Variants in RPGR observed in about 807,000 individuals in gnomAD.
RPGR encodes the protein retinitis pigmentosa GTPase regulator.
RPGR carries 10 observed loss-of-function variants against 56.3 expected under a neutral mutation model. The observed-to-expected ratio is 0.18, with a 90% confidence interval of 0.11 to 0.30. The LOEUF (loss-of-function observed/expected upper bound fraction) is 0.30, where lower values mean the gene tolerates loss of function less well. Ranked by LOEUF, RPGR falls within the 10% of genes least tolerant of loss-of-function variation. The probability of loss-of-function intolerance (pLI) is 1.00; values close to 1 mark genes in which losing one functional copy is unlikely to be tolerated. For synonymous variants in RPGR, 197 were observed against 212.9 expected (o/e 0.93, Z 0.65); for missense variants, 538 against 590.9 (o/e 0.91, Z 0.93).
intron 1 of RPGR, among the ~76,000 whole-genome samples, chrX:38,325,189 A>T (rs2068027870): frequency 9.2e-6 from 1 of 108,651 alleles, no homozygotes; most frequent in African/African-American, 3.4e-5. Flanking sequence ...AAAAAAAAAA[A>T]AAAGTCACTG....
At chrX:38,303,058 T>A (rs2067533233) in intron 8 of RPGR, among the ~76,000 whole-genome samples, 1 of 111,575 alleles carries the variant, frequency 9.0e-6, no homozygotes, top group South Asian at 3.7e-4. Context: ...AGTATTTATG[T>A]CCTTCTTTTA....
chrX:38,288,677 C>T (rs967442858), intron 13 of RPGR, among the ~76,000 whole-genome samples: 1 of 111,930 alleles, frequency 8.9e-6, no homozygotes, highest in South Asian at 3.7e-4. Context: ...TGCACTCCAG[C>T]CTGGGCAACA....
chrX:38,317,319 T>C lies in RPGR; in HGVS notation c.616A>G (p.Thr206Ala). 8.3e-7 allele frequency: 1 copy of C among 1,209,848 alleles called. No individual in the cohort carries two copies. The highest frequency in any genetic ancestry group is 1.1e-6 in the Non-Finnish European group (1 of 893,999). The change falls in exon 6 of 19, where the codon ACA becomes GCA. Residue 206 changes from threonine (T) to alanine (A), a missense_variant. Thr to Ala is a moderately conservative substitution (Grantham distance 58). This residue lies in a region of RPGR where 181 missense variants were observed against 265.1 expected (regional missense o/e 0.68). Transcript: ENST00000642395. ...ATGACTTCAAAATGTGTCTTACTTG[T>C]TACAAAAGCTGAATGGTAATATCCA...
At chrX:38,311,799 C>A (rs1041350406) in intron 6 of RPGR, among the ~76,000 whole-genome samples, 3 of 110,685 alleles carry the variant, frequency 2.7e-5, no homozygotes, top group South Asian at 7.7e-4. Flanking sequence ...ACATGACCAG[C>A]CCCCTAAATC....
In RPGR at chrX:38,323,388, G is replaced by T. The variant is rs375646581; in HGVS notation, c.154+11C>A. The T allele has an allele frequency of 4.1e-5, 49 of 1,197,569 alleles. No individual in the cohort carries two copies. Among genetic ancestry groups the T allele is most frequent in the Non-Finnish European group, 4.4e-5 (39 of 884,928 alleles). On this transcript the variant is annotated intron_variant, in intron 2 of 18. Transcript: ENST00000642395. The stretch of plus-strand genomic sequence containing the variant: ...AGTATTACTGTCCTTATTCAGGATT[G>T]TAATACTAACCGGTAACAACAGCAG...
chrX:38,269,510 A>C lies in RPGR; in HGVS notation c.*116T>G. On this transcript the variant is annotated 3_prime_UTR_variant, in exon 19 of 19. Coordinates refer to ENST00000642395, the MANE Select transcript of RPGR (RefSeq NM_000328.3). ...CACACTTATAGAAGCTGAATAAAAC[A>C]TATTAAGTCTTATATCTTTTAAAGA... 1 of 519,398 alleles carries C rather than the reference A, an allele frequency of 1.9e-6. No homozygotes were observed. Among genetic ancestry groups the C allele is most frequent in the Non-Finnish European group, 3.2e-6 (1 of 314,049 alleles). The allele number at this position is 519,398 out of a possible 1,213,427, so 42.8% of individuals were successfully genotyped here.
intron 8 of RPGR, 59 bp downstream of exon 8, chrX:38,304,576 T>C: frequency 5.4e-6 from 5 of 931,980 alleles, no homozygotes; most frequent in Non-Finnish European, 7.6e-6. Flanking sequence ...ACATATAATT[T>C]ATTTTGTAAT....
At chrX:38,274,883 G>A (rs2066905000) in intron 17 of RPGR, among the ~76,000 whole-genome samples, 1 of 112,253 alleles carries the variant, frequency 8.9e-6, no homozygotes, top group Admixed American at 9.4e-5. Flanking sequence ...ATTTGTATGT[G>A]AAGAAGCTGT....
intron 4 of RPGR, among the ~76,000 whole-genome samples, chrX:38,320,218 G>A (rs72619452): frequency 0.15 from 15,612 of 103,759 alleles, 1,266 homozygotes; most frequent in East Asian, 0.58. Context: ...TGGAGAGGTG[G>A]AGAGGAGCTG....
intron 15 of RPGR, among the ~76,000 whole-genome samples, chrX:38,283,055 C>CT (rs1374227038): frequency 9.0e-6 from 1 of 110,883 alleles, no homozygotes; most frequent in Non-Finnish European, 1.9e-5. Context: ...CTTAAGCTTC[C>CT]TTTTTTTTCT....
Position 38,327,419 on chromosome X carries a change from G to T in RPGR, c.-52C>A, listed in dbSNP as rs147711382. 16,242 of 1,122,753 alleles carry T rather than the reference G, an allele frequency of 0.014. 245 individuals are homozygous for T. Among genetic ancestry groups the T allele is most frequent in the African/African-American group, 0.098 (5,365 of 54,676 alleles). The allele number at this position is 1,122,753 out of a possible 1,213,427, so 92.5% of individuals were successfully genotyped here. A position where few individuals can be genotyped will look rare whatever the true frequency, so the allele number is the denominator to read the frequency against. On this transcript the variant is annotated 5_prime_UTR_variant, in exon 1 of 19. Coordinates refer to ENST00000642395, the MANE Select transcript of RPGR (RefSeq NM_000328.3). Reference sequence around the variant, plus strand: ...CCGGGGCCAGGAGGCTGTAGAGGACGGTTTGGTCGGGGCTAAAGCAGCTAC... The same window carrying T: ...CCGGGGCCAGGAGGCTGTAGAGGACTGTTTGGTCGGGGCTAAAGCAGCTAC...
intron 3 of RPGR, among the ~76,000 whole-genome samples, chrX:38,321,791 C>A: frequency 8.9e-6 from 1 of 111,818 alleles, no homozygotes; most frequent in East Asian, 2.8e-4. Flanking sequence ...CACCTTCTAC[C>A]ACATTCAATG....
intron 1 of RPGR, among the ~76,000 whole-genome samples, chrX:38,323,993 T>C (rs2067996691): frequency 8.9e-6 from 1 of 112,258 alleles, no homozygotes; most frequent in Non-Finnish European, 1.9e-5. Flanking sequence ...GGAGAGTCTC[T>C]ATCAGTCAAT....
intron 10 of RPGR, among the ~76,000 whole-genome samples, chrX:38,297,692 G>A (rs1354917525): frequency 9.0e-6 from 1 of 111,316 alleles, no homozygotes; most frequent in Admixed American, 9.6e-5. Context: ...AGGGAAAAGT[G>A]TGTGTGCATT....
At position 38,290,975 on chromosome X, in the gene RPGR, G is replaced by A. The variant is rs1234834906; in HGVS notation, c.1556C>T (p.Pro519Leu). ...ATATTATACCTTTTGTTTCTGAACTGGTGATAATTTTAATGACTTTTCATT... is the reference window on the plus strand; with the variant it reads ...ATATTATACCTTTTGTTTCTGAACTAGTGATAATTTTAATGACTTTTCATT... Residue 519 changes from proline (P) to leucine (L), a missense_variant, in exon 13 of 19, where the codon CCA becomes CTA. Transcript: ENST00000642395. 3 of 1,060,037 alleles carry A rather than the reference G, an allele frequency of 2.8e-6. No individual in the cohort carries two copies. Among genetic ancestry groups the A allele is most frequent in the African/African-American group, 1.9e-5 (1 of 53,785 alleles). 87.4% of individuals were successfully genotyped at this position (1,060,037 alleles called of 1,213,427 possible).
chrX:38,296,314 CA>C (rs1284603922), intron 11 of RPGR, among the ~76,000 whole-genome samples: 308 of 103,075 alleles, frequency 3.0e-3, no homozygotes, highest in African/African-American at 9.6e-3. Flanking sequence ...GAATCCGTCT[CA>C]AAAAAAAAAA....
At position 38,281,708 on chromosome X, in the gene RPGR, C is replaced by A. The variant is rs150911080; in HGVS notation, c.1906-4936G>T. ...TAATTTAATCGTCAAAAGTCCCTTC[C>A]TTTATCAAATGAGGGAAATAAGACT... On this transcript the variant is annotated intron_variant, in intron 15 of 18. Transcript: ENST00000642395. Among the ~76,000 whole-genome samples, 628 of 111,384 alleles carry A rather than the reference C, an allele frequency of 5.6e-3. 6 individuals carry two copies. The highest frequency in any genetic ancestry group is 0.02 in the African/African-American group (598 of 30,593).
At chrX:38,295,339 G>A (rs746063258) in intron 11 of RPGR, among the ~76,000 whole-genome samples, 7 of 112,252 alleles carry the variant, frequency 6.2e-5, no homozygotes, top group Admixed American at 2.8e-4. Context: ...AAAGATTGAA[G>A]TCTGTGAATG....
intron 11 of RPGR, among the ~76,000 whole-genome samples, chrX:38,291,859 C>G (rs2067286004): frequency 8.9e-6 from 1 of 112,061 alleles, no homozygotes; most frequent in Non-Finnish European, 1.9e-5. Context: ...CCCATTATAC[C>G]AGGTTGGTCC....
Sources: allele counts gnomAD v4.1 joint callset (sites outside exome capture counted in the v4.1 genomes callset), GRCh38; gene constraint gnomAD v4.1.1; regional missense constraint gnomAD v4.1.1; transcripts MANE v1.5; gene names NCBI Gene and HGNC (gene_info 2026-07-23, HGNC 2026-07-21).